The following DAPK2 variants were observed in gnomAD, a reference collection of about 807,000 sequenced individuals.
The protein encoded by DAPK2 is death-associated protein kinase 2.
DAPK2 carries 35 observed loss-of-function variants against 44.1 expected under a neutral mutation model. The observed-to-expected ratio is 0.79, with a 90% confidence interval of 0.61 to 1.05. The LOEUF is 1.05. DAPK2 is among the 50% of genes least tolerant of loss of function. The pLI is 0.00. For missense variants in DAPK2, 453 were observed against 483.2 expected (o/e 0.94, Z 0.59); for synonymous variants, 174 against 182.6 (o/e 0.95, Z 0.38).
rs2078972612 is a variant in DAPK2 at position 63,917,975 on chromosome 15, C to T, written c.859-5778G>A. The stretch of plus-strand genomic sequence containing the variant: ...AATCTTTTATTTGAGGTTATCTTGT[C>T]CTTGTCTGTCACCTCCCCCTGAGCC... On this transcript the variant is annotated intron_variant, in intron 8 of 10. Transcript: ENST00000261891. This position sits in a 1 kb window ranked among gnomAD's most constrained non-coding sequence, Gnocchi z 4.4. 6.6e-6 allele frequency: 1 copy of T among 152,184 alleles called. No individual in the cohort carries two copies. The highest frequency in any genetic ancestry group is 2.1e-4 in the South Asian group (1 of 4,826). The allele number at this position is 152,184 out of a possible 1,614,324, so 9.4% of individuals were successfully genotyped here. A position where few individuals can be genotyped will look rare whatever the true frequency, so the allele number is the denominator to read the frequency against.
intron 1 of DAPK2, among the ~76,000 whole-genome samples, chr15:64,009,352 A>G (rs182202603): frequency 1.1e-4 from 16 of 151,682 alleles, no homozygotes; most frequent in Admixed American, 9.9e-4. Context: ...CCCAATCCAC[A>G]CCCCACATTC....
At chr15:64,025,842 T>C (rs1425596385) in intron 1 of DAPK2, among the ~76,000 whole-genome samples, 3 of 152,228 alleles carry the variant, frequency 2.0e-5, no homozygotes, top group Non-Finnish European at 2.9e-5. Context: ...AATGGAAATA[T>C]GGATATTGCG....
chr15:63,967,857 G>C (rs1442507053), intron 3 of DAPK2, among the ~76,000 whole-genome samples: 3 of 152,204 alleles, frequency 2.0e-5, no homozygotes, highest in African/African-American at 7.2e-5. Context: ...GTAGGCAAGA[G>C]AGTGAACCCT....
At position 63,912,475 on chromosome 15, in the gene DAPK2, G is replaced by C. The variant is rs367871582; in HGVS notation, c.859-278C>G. Reference sequence around the variant, plus strand: ...CAGCTCCTGAAGGGGAATAGCAGGAGGCAGGCCCTCCAATCGCACATCACT... The same window carrying C: ...CAGCTCCTGAAGGGGAATAGCAGGACGCAGGCCCTCCAATCGCACATCACT... On this transcript the variant is annotated intron_variant, in intron 8 of 10. Coordinates refer to ENST00000261891, the Ensembl canonical transcript of DAPK2. This position sits in a 1 kb window ranked among gnomAD's most constrained non-coding sequence, Gnocchi z 4.4. Among the ~76,000 whole-genome samples, 14 of 152,364 alleles carry C rather than the reference G, an allele frequency of 9.2e-5. No homozygotes were observed. The East Asian group carries it at 2.5e-3, about 27-fold the overall frequency.
intron 7 of DAPK2, among the ~76,000 whole-genome samples, chr15:63,925,068 T>C (rs1401787400): frequency 6.6e-6 from 1 of 152,174 alleles, no homozygotes; most frequent in Non-Finnish European, 1.5e-5. Context: ...GACCCCTCAA[T>C]AGAGTGGCCT....
chr15:64,011,218 A>C (rs1241563419), intron 1 of DAPK2, among the ~76,000 whole-genome samples: 1 of 152,180 alleles, frequency 6.6e-6, no homozygotes, highest in Non-Finnish European at 1.5e-5. Context: ...TTCTGGCACC[A>C]AGTCACCTCT....
upstream of DAPK2, among the ~76,000 whole-genome samples, chr15:64,040,531 T>A (rs1443208954): frequency 2.0e-5 from 3 of 152,010 alleles, no homozygotes; most frequent in East Asian, 5.8e-4. Flanking sequence ...TCTGAAGAAG[T>A]TCAGAGAAAC....
intron 4 of DAPK2, among the ~76,000 whole-genome samples, chr15:63,937,514 C>A (rs1200122991): frequency 2.6e-5 from 4 of 152,140 alleles, no homozygotes; most frequent in African/African-American, 9.7e-5. Context: ...CTTACTCTGG[C>A]CTTACTTCCC....
At chr15:63,975,447 A>G (rs2078317045) in intron 2 of DAPK2, among the ~76,000 whole-genome samples, 1 of 152,074 alleles carries the variant, frequency 6.6e-6, no homozygotes, top group Admixed American at 6.5e-5. Context: ...AAGGACTAAC[A>G]TTTTTCTATT....
chr15:64,008,502 GA>G (rs1263575793), intron 1 of DAPK2, among the ~76,000 whole-genome samples: 2 of 152,146 alleles, frequency 1.3e-5, no homozygotes, highest in African/African-American at 4.8e-5. Flanking sequence ...TCAAATGAAA[GA>G]ACATAGTTTC....
In DAPK2 at chr15:63,922,675, G is replaced by A; in HGVS notation, c.858+2141C>T. 13 of 1,461,508 alleles carry A rather than the reference G, an allele frequency of 8.9e-6. No homozygotes were observed. The South Asian group carries it at 1.2e-4, about 14-fold the overall frequency. 90.5% of individuals were successfully genotyped at this position (1,461,508 alleles called of 1,614,324 possible). A position where few individuals can be genotyped will look rare whatever the true frequency, so the allele number is the denominator to read the frequency against. On this transcript the variant is annotated intron_variant, in intron 8 of 10. Coordinates refer to ENST00000261891, the Ensembl canonical transcript of DAPK2. ...AATTCTAGCTGGAGGCCGCAGCAGGGTGGATGAGAACATGCTTCTGCAAAC... is the reference window on the plus strand; with the variant it reads ...AATTCTAGCTGGAGGCCGCAGCAGGATGGATGAGAACATGCTTCTGCAAAC...
intron 1 of DAPK2, among the ~76,000 whole-genome samples, chr15:64,030,581 C>G (rs562741245): frequency 1.4e-4 from 21 of 152,098 alleles, no homozygotes; most frequent in Non-Finnish European, 2.8e-4. Flanking sequence ...TGCCCTGTCT[C>G]CCTTCCTCCC....
At chr15:63,960,031 A>G (rs1448811892) in intron 3 of DAPK2, among the ~76,000 whole-genome samples, 1 of 152,076 alleles carries the variant, frequency 6.6e-6, no homozygotes, top group African/African-American at 2.4e-5. Context: ...TCAATTTCAG[A>G]GCCTGTTATT....
intron 4 of DAPK2, among the ~76,000 whole-genome samples, chr15:63,931,613 G>C (rs1008951150): frequency 2.0e-5 from 3 of 152,164 alleles, no homozygotes; most frequent in Admixed American, 6.5e-5. Flanking sequence ...ATGAGCTTGA[G>C]GTGCCTGAGG....
chr15:64,040,897 G>GAAA (rs3056980), upstream of DAPK2, among the ~76,000 whole-genome samples: 2,113 of 83,426 alleles, frequency 0.025, 46 homozygotes, highest in South Asian at 0.038. Flanking sequence ...CTGGGCAACA[G>GAAA]AAAAAAAAAA....
chr15:63,934,743 G>C (rs1389049100), intron 4 of DAPK2, among the ~76,000 whole-genome samples: 1 of 152,064 alleles, frequency 6.6e-6, no homozygotes, highest in Admixed American at 6.6e-5. Context: ...ATTTTTAGTA[G>C]AGGTGGGGTT....
intron 1 of DAPK2, among the ~76,000 whole-genome samples, chr15:64,012,230 C>T (rs534848335): frequency 6.6e-6 from 1 of 152,320 alleles, no homozygotes; most frequent in East Asian, 1.9e-4. Flanking sequence ...GGTGACCATA[C>T]TGCGGGATGG....
intron 1 of DAPK2, among the ~76,000 whole-genome samples, chr15:64,030,958 C>A: frequency 6.9e-6 from 1 of 145,318 alleles, no homozygotes; most frequent in East Asian, 2.0e-4. Flanking sequence ...CAGAGCAAGA[C>A]CCTGTCTCAA....
chr15:63,950,901 A>G (rs2077568741), intron 3 of DAPK2, among the ~76,000 whole-genome samples: 1 of 152,262 alleles, frequency 6.6e-6, no homozygotes, highest in Non-Finnish European at 1.5e-5. Flanking sequence ...CATTTGAAGT[A>G]TTAACATCCT....
Sources: gnomAD v4.1 joint callset for allele counts (sites outside exome capture counted in the v4.1 genomes callset) on GRCh38, gnomAD v4.1.1 for gene constraint, Gnocchi (gnomAD v3.1) non-coding constraint, MANE v1.5 for transcripts, NCBI Gene and HGNC (gene_info 2026-07-23, HGNC 2026-07-21) for gene names.